The following DNAH8 variants were observed in gnomAD, a reference collection of about 807,000 sequenced individuals.
The protein encoded by DNAH8 is axonemal beta dynein heavy chain 8.
Under a neutral mutation model 562.1 loss-of-function variants are expected in DNAH8, and 382 were observed. The observed-to-expected ratio is 0.68, with a 90% CI of 0.63 to 0.74. The LOEUF (loss-of-function observed/expected upper bound fraction) is 0.74. Among genes scored for constraint, DNAH8 ranks in the 30% least tolerant of loss-of-function variants. DNAH8 has a pLI of 0.00. For missense variants in DNAH8, 5,203 were observed against 5,620.4 expected (o/e 0.93, Z 2.37); for synonymous variants, 1,881 against 1,919.4 (o/e 0.98, Z 0.52).
chr6:38,792,704 G>A (rs1369463782), intron 21 of DNAH8, among the ~76,000 whole-genome samples: 1 of 152,122 alleles, frequency 6.6e-6, no homozygotes, highest in Non-Finnish European at 1.5e-5. Context: ...CAGGAACCCT[G>A]TCTAAACATT....
rs199839124 is a variant in DNAH8 at position 38,759,347 on chromosome 6, A to G, written c.1516-2355A>G. Among the ~76,000 whole-genome samples the G allele has an allele frequency of 2.0e-5, 3 of 151,214 alleles. No individual in the cohort carries two copies. In the East Asian group the frequency reaches 5.8e-4, roughly 29 times the overall value. On this transcript the variant is annotated intron_variant, in intron 10 of 92. Transcript: ENST00000327475. ...CAAACAAACAAACAAACAAACCACC[A>G]CCAACGAAAAAACCCACATGAATAG...
intron 60 of DNAH8, 70 bp downstream of exon 60, chr6:38,896,295 G>C: frequency 7.8e-7 from 1 of 1,278,144 alleles, no homozygotes; most frequent in African/African-American, 1.5e-5. Flanking sequence ...CTCTGCACCA[G>C]AGTCCTACCA....
intron 26 of DNAH8, among the ~76,000 whole-genome samples, chr6:38,821,480 T>G (rs552188043): frequency 6.0e-4 from 91 of 152,220 alleles, no homozygotes; most frequent in South Asian, 1.5e-3. Context: ...ATCCTAAAAT[T>G]TGAATAGAGA....
chr6:38,905,471 A>G (rs749171440), intron 62 of DNAH8, among the ~76,000 whole-genome samples: 10 of 152,200 alleles, frequency 6.6e-5, no homozygotes, highest in Non-Finnish European at 1.5e-4. Context: ...CTTTGTATCT[A>G]GCCACTTAAT....
At chr6:38,926,630 T>G (rs1782144956) in intron 74 of DNAH8, among the ~76,000 whole-genome samples, 1 of 152,146 alleles carries the variant, frequency 6.6e-6, no homozygotes, top group Non-Finnish European at 1.5e-5. Flanking sequence ...AATTTTAAGG[T>G]GAGAGTAGAC....
At chr6:38,893,723 T>C (rs1377653205) in intron 58 of DNAH8, among the ~76,000 whole-genome samples, 1 of 152,214 alleles carries the variant, frequency 6.6e-6, no homozygotes, top group Non-Finnish European at 1.5e-5. Flanking sequence ...TGAATTAGCC[T>C]GTAAAAATTA....
At chr6:39,026,372 C>T (rs1358286292) in intron 91 of DNAH8, among the ~76,000 whole-genome samples, 174 bp from the exon 92 acceptor site, 1 of 152,138 alleles carries the variant, frequency 6.6e-6, no homozygotes, top group African/African-American at 2.4e-5. Context: ...ATTGCAGGTC[C>T]CCACAGAAAC....
intron 63 of DNAH8, among the ~76,000 whole-genome samples, chr6:38,906,740 T>C (rs1780510838): frequency 6.6e-6 from 1 of 152,166 alleles, no homozygotes; most frequent in Admixed American, 6.5e-5. Flanking sequence ...CTGTTAGTTG[T>C]AAATGGATGT....
chr6:38,763,161 G>A (rs1007628007), intron 11 of DNAH8: 9 of 309,326 alleles, frequency 2.9e-5, no homozygotes, highest in African/African-American at 1.8e-4. Context: ...AGTGAAAAGA[G>A]GAGCATTTAA....
At chr6:38,926,239 A>G in intron 74 of DNAH8, 29 bp downstream of exon 74, 3 of 1,600,364 alleles carry the variant, frequency 1.9e-6, no homozygotes, top group Non-Finnish European at 2.6e-6. Context: ...AGGGGAAAGT[A>G]ATCTTGAAAT....
intron 67 of DNAH8, among the ~76,000 whole-genome samples, 178 bp from the exon 68 acceptor site, chr6:38,915,023 G>A (rs142667100): frequency 1.9e-4 from 29 of 152,090 alleles, no homozygotes; most frequent in East Asian, 5.8e-4. Context: ...GGAAGACTGC[G>A]AGGAACTGCT....
chr6:38,835,731 G>A (rs2150360291), intron 32 of DNAH8, among the ~76,000 whole-genome samples: 1 of 152,266 alleles, frequency 6.6e-6, no homozygotes, highest in South Asian at 2.1e-4. Context: ...AAAGAGGATA[G>A]TGGTGAGGAA....
rs117878099 is a variant in DNAH8, at chr6:38,988,985, G to A, written c.13054-1027G>A. Among the ~76,000 whole-genome samples, 160 of 152,334 alleles carry A rather than the reference G, an allele frequency of 1.1e-3. 2 individuals carry two copies. In the East Asian group the frequency reaches 0.026, roughly 25 times the overall value. ...CACAAGCTCCTTGAAAGAAAGGACT[G>A]TGTGTCTCTTATCTTTGCATTCTGT... is the stretch of plus-strand genomic sequence containing the variant. On this transcript the variant is annotated intron_variant, in intron 87 of 92. Coordinates refer to ENST00000327475, the MANE Select transcript of DNAH8 (RefSeq NM_001206927.2).
intron 63 of DNAH8, among the ~76,000 whole-genome samples, 168 bp from the exon 64 acceptor site, chr6:38,907,788 G>A (rs1325014703): frequency 6.6e-6 from 1 of 152,182 alleles, no homozygotes; most frequent in Non-Finnish European, 1.5e-5. Context: ...TCAATAAAAA[G>A]TTGCAGTCTT....
intron 57 of DNAH8, among the ~76,000 whole-genome samples, chr6:38,889,047 G>A (rs1372439825): frequency 2.0e-5 from 3 of 152,288 alleles, no homozygotes; most frequent in African/African-American, 7.2e-5. Flanking sequence ...AGTTGATTTT[G>A]CACATGCATG....
intron 9 of DNAH8, among the ~76,000 whole-genome samples, chr6:38,752,381 C>A (rs563602769): frequency 2.1e-4 from 32 of 152,372 alleles, no homozygotes; most frequent in African/African-American, 6.7e-4. Context: ...CCAGGCTGCT[C>A]TCAAACTCCC....
At chr6:38,885,096 T>A (rs1646498547) in intron 56 of DNAH8, among the ~76,000 whole-genome samples, 1 of 152,194 alleles carries the variant, frequency 6.6e-6, no homozygotes, top group South Asian at 2.1e-4. Context: ...CAGATAGACC[T>A]CAGCAGTTCC....
intron 26 of DNAH8, among the ~76,000 whole-genome samples, chr6:38,819,923 G>A (rs745581625): frequency 6.6e-6 from 1 of 152,058 alleles, no homozygotes; most frequent in African/African-American, 2.4e-5. Context: ...AATTTGCACA[G>A]CATTTTTGGA....
In DNAH8 at chr6:38,899,799, G is replaced by T. The variant is rs201691475; in HGVS notation, c.9087G>T (p.Ser3029=). 4 of 1,613,564 alleles carry T rather than the reference G, an allele frequency of 2.5e-6. No individual in the cohort carries two copies. The highest frequency in any genetic ancestry group is 3.4e-6 in the Non-Finnish European group (4 of 1,179,706). The part of the protein sequence containing the change: ...LIKISRIIRT[S]CGNALLVGVG... The stretch of plus-strand genomic sequence containing the variant: ...AGATTTCACGAATAATTCGAACGTC[G>T]TGTGGAAATGCATTGCTGGTGGGTG... Residue 3029 remains serine, a synonymous_variant, in exon 62 of 93, where the codon TCG becomes TCT. Coordinates refer to ENST00000327475, the MANE Select transcript of DNAH8 (RefSeq NM_001206927.2).
Sources: gnomAD v4.1 joint callset for allele counts (sites outside exome capture counted in the v4.1 genomes callset) on GRCh38, gnomAD v4.1.1 for gene constraint, MANE v1.5 for transcripts, NCBI Gene and HGNC (gene_info 2026-07-23, HGNC 2026-07-21) for gene names.